The following PCDH11Y variants were observed in gnomAD, a reference collection of about 807,000 sequenced individuals.
PCDH11Y encodes protocadherin-11 Y-linked.
For missense variants in PCDH11Y, 12 were observed against 224.8 expected (o/e 0.05, Z 6.05); for synonymous variants, 9 against 83.6 (o/e 0.11, Z 4.87).
chrY:5,280,965 T>G, intron 2 of PCDH11Y, among the ~76,000 whole-genome samples: 1 of 32,245 alleles, frequency 3.1e-5, no homozygotes, highest in African/African-American at 1.2e-4. Flanking sequence ...GTTTGTGTGG[T>G]TTTTTTTTGT....
At chrY:5,173,688 A>C in intron 2 of PCDH11Y, among the ~76,000 whole-genome samples, 1 of 32,195 alleles carries the variant, frequency 3.1e-5, no homozygotes, top group African/African-American at 1.2e-4. Context: ...ATTTGTATTT[A>C]TTGTCATTCT....
At chrY:5,050,521 G>T in intron 3 of PCDH11Y, among the ~76,000 whole-genome samples, 1 of 32,987 alleles carries the variant, frequency 3.0e-5, no homozygotes, top group African/African-American at 1.2e-4. Context: ...CTGATAAAAT[G>T]CTTTGTGCAG....
intron 2 of PCDH11Y, among the ~76,000 whole-genome samples, chrY:5,464,176 T>G (rs2124684082): frequency 3.0e-5 from 1 of 32,978 alleles, no homozygotes; most frequent in Non-Finnish European, 7.4e-5. Context: ...TACACTGAAG[T>G]TGTGATTGCT....
intron 2 of PCDH11Y, among the ~76,000 whole-genome samples, chrY:5,360,630 C>A: frequency 3.1e-5 from 1 of 32,766 alleles, no homozygotes; most frequent in South Asian, 6.6e-4. Context: ...AAATTACAAG[C>A]ACATGGCAAG....
intron 2 of PCDH11Y, among the ~76,000 whole-genome samples, chrY:5,348,526 C>G (rs2053154559): frequency 3.2e-5 from 1 of 31,660 alleles, no homozygotes; most frequent in East Asian, 8.3e-4. Flanking sequence ...TCCAGGCACA[C>G]TGGTCTCCAT....
chrY:5,248,096 C>CA (rs2052999290), intron 2 of PCDH11Y, among the ~76,000 whole-genome samples: 6 of 30,131 alleles, frequency 2.0e-4, no homozygotes, highest in South Asian at 7.7e-4. Context: ...GCTTACCAAC[C>CA]AAAAAAAAAG....
At chrY:5,338,464 G>C in intron 2 of PCDH11Y, 1 of 392,679 alleles carries the variant, frequency 2.5e-6, no homozygotes, top group Non-Finnish European at 3.6e-6. Flanking sequence ...GGTATCTCTG[G>C]TTAAGCATAT....
intron 4 of PCDH11Y, among the ~76,000 whole-genome samples, chrY:5,715,889 A>T (rs2053589637): frequency 3.1e-5 from 1 of 31,751 alleles, no homozygotes; most frequent in Non-Finnish European, 7.7e-5. Flanking sequence ...AAACTGAATT[A>T]AACAATACAC....
chrY:5,213,048 A>G (rs2124651276), intron 2 of PCDH11Y, among the ~76,000 whole-genome samples: 11 of 26,666 alleles, frequency 4.1e-4, no homozygotes, highest in South Asian at 9.4e-4. Flanking sequence ...ACAAATAACC[A>G]TAAACTAGTT....
rs1602883522 is a variant in PCDH11Y, at chrY:5,192,062, A to C, written c.3129+91355A>C. 1.2e-4 allele frequency among the ~76,000 whole-genome samples: 4 copies of C among 32,433 alleles called. No individual in the cohort carries two copies. The East Asian group carries it at 3.4e-3, about 28-fold the overall frequency. 87.0% of individuals were successfully genotyped at this position (32,433 alleles called of 37,273 possible). A position where few individuals can be genotyped will look rare whatever the true frequency, so the allele number is the denominator to read the frequency against. ...AGCAGCGTCATTAAATTCTCACAGG[A>C]GCTCAAACCCTATTGTGAACTGCTC... On this transcript the variant is annotated intron_variant, in intron 2 of 4. Transcript: ENST00000400457.
chrY:5,005,996 T>G (rs2052538991), intron 1 of PCDH11Y, among the ~76,000 whole-genome samples: 1 of 30,696 alleles, frequency 3.3e-5, no homozygotes, highest in East Asian at 8.5e-4. Flanking sequence ...TGGAATTCCT[T>G]CAATTTGTTA....
intron 3 of PCDH11Y, among the ~76,000 whole-genome samples, chrY:5,050,992 G>C: frequency 3.2e-5 from 1 of 31,675 alleles, no homozygotes; most frequent in Non-Finnish European, 7.7e-5. Flanking sequence ...ATTTTGTGAT[G>C]CTATACCACC....
chrY:5,407,638 G>A (rs71201661), intron 2 of PCDH11Y, among the ~76,000 whole-genome samples: 1 of 32,886 alleles, frequency 3.0e-5, no homozygotes, highest in Non-Finnish European at 7.5e-5. Flanking sequence ...TGTGGGCCAG[G>A]CACGGTGGCT....
chrY:5,339,675 C>A, intron 2 of PCDH11Y, among the ~76,000 whole-genome samples: 2 of 32,519 alleles, frequency 6.2e-5, no homozygotes, highest in Admixed American at 2.9e-4. Context: ...TCTTCTAATT[C>A]ATAACAACTG....
intron 2 of PCDH11Y, among the ~76,000 whole-genome samples, chrY:5,169,653 T>C: frequency 3.1e-5 from 1 of 32,200 alleles, no homozygotes; most frequent in Non-Finnish European, 7.7e-5. Context: ...GGGTATTTTT[T>C]TGTTAGTTGT....
At chrY:5,193,335 A>T in intron 2 of PCDH11Y, among the ~76,000 whole-genome samples, 1 of 33,875 alleles carries the variant, frequency 3.0e-5, no homozygotes, top group Non-Finnish European at 7.3e-5. Context: ...AAAAGTGTGC[A>T]TGTATCTTTT....
chrY:5,546,313 A>G, intron 3 of PCDH11Y, among the ~76,000 whole-genome samples: 1 of 32,945 alleles, frequency 3.0e-5, no homozygotes, highest in Non-Finnish European at 7.6e-5. Flanking sequence ...ACTAGGGACT[A>G]TAAGTCAACA....
At chrY:5,263,508 C>A (rs2053022056) in intron 2 of PCDH11Y, among the ~76,000 whole-genome samples, 25 of 33,123 alleles carry the variant, frequency 7.5e-4, no homozygotes, top group South Asian at 6.7e-4. Context: ...ATCCAATAAA[C>A]CTCTTTCCTG....
chrY:5,449,504 G>A (rs2053291174), intron 2 of PCDH11Y, among the ~76,000 whole-genome samples: 2 of 33,250 alleles, frequency 6.0e-5, no homozygotes, highest in African/African-American at 2.3e-4. Context: ...AATCATGCTT[G>A]CATCTATAAT....
Sources: allele counts gnomAD v4.1 joint callset (sites outside exome capture counted in the v4.1 genomes callset), GRCh38; gene constraint gnomAD v4.1.1; transcripts MANE v1.5; gene names NCBI Gene and HGNC (gene_info 2026-07-23, HGNC 2026-07-21).